Variants in THADA observed in about 807,000 individuals in gnomAD.
THADA encodes the protein tRNA (32-2'-O)-methyltransferase regulator THADA.
Under a neutral mutation model 219.8 loss-of-function variants are expected in THADA, and 213 were observed. The ratio of observed to expected loss-of-function variants is 0.97; its 90% CI spans 0.87 to 1.09. THADA has a LOEUF of 1.09. Among genes scored for constraint, THADA ranks in the 50% least tolerant of loss-of-function variants. The pLI is 0.00. For synonymous variants in THADA, 1,018 were observed against 828.9 expected, an observed-to-expected ratio of 1.23 and a Z score of -3.92; for missense variants, 2,956 against 2,311.3, an observed-to-expected ratio of 1.28 and a Z score of -5.72.
rs369396814 is a variant in THADA at position 43,560,239 on chromosome 2, A to G, written c.2458T>C (p.Phe820Leu). ...TACTAGAAAAGTCCTGATACCTGAAAATGTACAGCTGTTTTTGATAACTTC... is the reference window on the plus strand; with the variant it reads ...TACTAGAAAAGTCCTGATACCTGAAGATGTACAGCTGTTTTTGATAACTTC... ...LMKLSKTAVH[F>L]QDSGKLQGLF... is the part of the protein sequence containing the mutation. Residue 820 changes from phenylalanine to leucine, a missense_variant, in exon 16 of 38, where the codon TTT becomes CTT. Phe to Leu is a conservative substitution (Grantham distance 22). Transcript: ENST00000405975. 4.1e-5 allele frequency: 66 copies of G among 1,610,006 alleles called. No homozygotes were observed. The highest frequency in any genetic ancestry group is 5.4e-5 in the Non-Finnish European group (64 of 1,178,624).
At chr2:43,435,781 C>CAAAAA (rs542080356) in intron 26 of THADA, among the ~76,000 whole-genome samples, 3 of 53,730 alleles carry the variant, frequency 5.6e-5, no homozygotes, top group South Asian at 6.2e-4. Flanking sequence ...AACTTGCCAC[C>CAAAAA]AAAAAAAAAA....
At position 43,550,882 on chromosome 2, in the gene THADA, T is replaced by C. The variant is rs543287037; in HGVS notation, c.2947+907A>G. Among the ~76,000 whole-genome samples the C allele has an allele frequency of 9.2e-5, 14 of 152,208 alleles. No individual in the cohort carries two copies. In the East Asian group the frequency reaches 2.7e-3, roughly 29 times the overall value. ...GGCTAAGGCCTGTAATCCCAATGCT[T>C]TAAGAGGCCAAGGCAGAAGGATTGC... On this transcript the variant is annotated intron_variant, in intron 19 of 37. Transcript: ENST00000405975.
chr2:43,279,370 T>A (rs752209779), intron 36 of THADA, among the ~76,000 whole-genome samples: 4 of 152,214 alleles, frequency 2.6e-5, no homozygotes, highest in Non-Finnish European at 5.9e-5. Context: ...AAAATGATGG[T>A]TTTGTGATTC....
intron 26 of THADA, among the ~76,000 whole-genome samples, chr2:43,444,892 G>T (rs2104873099): frequency 6.6e-6 from 1 of 152,288 alleles, no homozygotes; most frequent in South Asian, 2.1e-4. Context: ...AACTGCATAG[G>T]AAACAGTAGT....
At chr2:43,242,524 C>T (rs868697155) in intron 36 of THADA, among the ~76,000 whole-genome samples, 2 of 152,020 alleles carry the variant, frequency 1.3e-5, no homozygotes, top group African/African-American at 2.4e-5. Context: ...CAAGGTCTGG[C>T]TCTGCCACCC....
At chr2:43,383,658 G>C (rs1019181081) in intron 29 of THADA, among the ~76,000 whole-genome samples, 2 of 152,144 alleles carry the variant, frequency 1.3e-5, no homozygotes, top group Admixed American at 1.3e-4. Context: ...ATTCAAGAGG[G>C]TTGAGGTGGC....
intron 21 of THADA, among the ~76,000 whole-genome samples, chr2:43,539,603 A>C (rs978942396): frequency 6.6e-6 from 1 of 152,214 alleles, no homozygotes; most frequent in Non-Finnish European, 1.5e-5. Context: ...TATACAGTTC[A>C]TCGCTCATTC....
chr2:43,586,328 T>C (rs1701024069), intron 7 of THADA, 73 bp downstream of exon 7: 7 of 1,265,268 alleles, frequency 5.5e-6, no homozygotes, highest in Non-Finnish European at 7.5e-6. Flanking sequence ...CTGAGACTTT[T>C]AAATTTTTCT....
chr2:43,368,120 C>A (rs914195369), intron 29 of THADA, among the ~76,000 whole-genome samples: 7 of 152,056 alleles, frequency 4.6e-5, no homozygotes, highest in Admixed American at 3.9e-4. Context: ...CTCTATCTCA[C>A]AAAAACAAAC....
At chr2:43,361,087 G>A (rs1669468665) in intron 29 of THADA, among the ~76,000 whole-genome samples, 1 of 152,078 alleles carries the variant, frequency 6.6e-6, no homozygotes, top group Admixed American at 6.5e-5. Context: ...AGTAGACAGA[G>A]GCCAGGGACG....
chr2:43,380,130 C>T (rs1671823107), intron 29 of THADA, among the ~76,000 whole-genome samples: 1 of 152,108 alleles, frequency 6.6e-6, no homozygotes, highest in South Asian at 2.1e-4. Flanking sequence ...AGTCAAAATG[C>T]ACAGAACTTT....
Position 43,573,054 on chromosome 2 carries a change from G to A in THADA, c.1730-62C>T, listed in dbSNP as rs73925547. ...GCAATGACTACTATAATTATCAGCT[G>A]CTAATTTTCATGTTTCCAATTAACA... On this transcript the variant is annotated intron_variant, in intron 11 of 37. Transcript: ENST00000405975. 5.8e-3 allele frequency: 7,469 copies of A among 1,280,630 alleles called. 336 individuals carry two copies. In the African/African-American group the frequency reaches 0.098, roughly 17 times the overall value. 79.3% of individuals were successfully genotyped at this position (1,280,630 alleles called of 1,614,324 possible).
At chr2:43,485,961 A>G (rs543803813) in intron 25 of THADA, among the ~76,000 whole-genome samples, 1 of 152,088 alleles carries the variant, frequency 6.6e-6, no homozygotes, top group East Asian at 1.9e-4. Flanking sequence ...GCACATGCCT[A>G]TAGTCCCAGG....
At chr2:43,543,686 C>A (rs1695623290) in intron 20 of THADA, among the ~76,000 whole-genome samples, 2 of 152,192 alleles carry the variant, frequency 1.3e-5, no homozygotes, top group Admixed American at 1.3e-4. Flanking sequence ...TTGAGAAGTT[C>A]TGTTCATGTC....
chr2:43,378,663 T>C (rs573142777), intron 29 of THADA, among the ~76,000 whole-genome samples: 89 of 152,334 alleles, frequency 5.8e-4, no homozygotes, highest in Non-Finnish European at 9.7e-4. Flanking sequence ...TGGAGTGCAG[T>C]GGCATGATCT....
chr2:43,351,099 C>T (rs1042560883), intron 29 of THADA, among the ~76,000 whole-genome samples: 15 of 152,130 alleles, frequency 9.9e-5, no homozygotes, highest in Admixed American at 2.6e-4. Flanking sequence ...AGACTTTGCA[C>T]CCAGATGCTA....
chr2:43,430,045 G>A (rs1679031446), intron 27 of THADA, among the ~76,000 whole-genome samples, 168 bp downstream of exon 27: 1 of 151,884 alleles, frequency 6.6e-6, no homozygotes, highest in African/African-American at 2.4e-5. Flanking sequence ...GGCCACCACT[G>A]TACTCCAGCT....
chr2:43,507,225 G>A (rs1187124164), intron 23 of THADA, among the ~76,000 whole-genome samples: 1 of 152,058 alleles, frequency 6.6e-6, no homozygotes, highest in African/African-American at 2.4e-5. Flanking sequence ...ATGACTTCAG[G>A]GAACCACGGC....
intron 22 of THADA, among the ~76,000 whole-genome samples, chr2:43,517,322 T>C (rs59630430): frequency 0.098 from 14,899 of 152,180 alleles, 977 homozygotes; most frequent in East Asian, 0.2. Context: ...AAGCAATTAA[T>C]TTCACATTTA....
Sources: gnomAD v4.1 joint callset for allele counts (sites outside exome capture counted in the v4.1 genomes callset) on GRCh38, gnomAD v4.1.1 for gene constraint, MANE v1.5 for transcripts, NCBI Gene and HGNC (gene_info 2026-07-23, HGNC 2026-07-21) for gene names.